Variants in GABRB3 observed in about 807,000 individuals in gnomAD.
GABRB3 encodes the protein gamma-aminobutyric acid type A receptor subunit beta3, also known as gamma-aminobutyric acid receptor subunit beta-3.
Under a neutral mutation model 52.1 loss-of-function variants are expected in GABRB3, and 14 were observed. That is an observed-to-expected ratio of 0.27 (90% CI 0.18 to 0.42). GABRB3 has a LOEUF of 0.42. GABRB3 is among the 10% of genes least tolerant of loss of function. The pLI is 1.00. For synonymous variants in GABRB3, 260 were observed against 232.3 expected, an observed-to-expected ratio of 1.12 and a Z score of -1.08; for missense variants, 307 against 609.1, an observed-to-expected ratio of 0.50 and a Z score of 5.22.
At chr15:26,650,841 T>A (rs1736531793) in intron 3 of GABRB3, among the ~76,000 whole-genome samples, 1 of 152,092 alleles carries the variant, frequency 6.6e-6, no homozygotes, top group Non-Finnish European at 1.5e-5. Context: ...ATGGTTGGAC[T>A]TTGAGGAGAC....
chr15:26,772,153 G>A lies in GABRB3; in HGVS notation c.240+249C>T, dbSNP rs376029442. The A allele has an allele frequency of 5.5e-5, 23 of 418,048 alleles. No individual in the cohort carries two copies. The East Asian group carries it at 6.5e-4, about 12-fold the overall frequency. 25.9% of individuals were successfully genotyped at this position (418,048 alleles called of 1,614,324 possible). A position where few individuals can be genotyped will look rare whatever the true frequency, so the allele number is the denominator to read the frequency against. On this transcript the variant is annotated intron_variant, in intron 3 of 8. Coordinates refer to ENST00000311550, the MANE Select transcript of GABRB3 (RefSeq NM_000814.6). ...GGGCAGCGGCAGATGGGAGCACTAG[G>A]CCGGCCAGGACTCCCCCGCAGGAAG...
At chr15:26,614,199 G>T (rs1892176164) in intron 4 of GABRB3, 1 of 152,152 alleles carries the variant, frequency 6.6e-6, no homozygotes, top group Admixed American at 6.6e-5. Flanking sequence ...GCTCAGGTGG[G>T]CTCTTTGTAA....
At chr15:26,761,394 CA>C (rs144864753) in intron 3 of GABRB3, among the ~76,000 whole-genome samples, 195 of 145,984 alleles carry the variant, frequency 1.3e-3, no homozygotes, top group African/African-American at 3.8e-3. Context: ...GACTCCATCT[CA>C]AAAAAAAAAA....
chr15:26,665,066 T>C (rs1378015843), intron 3 of GABRB3, among the ~76,000 whole-genome samples: 1 of 152,174 alleles, frequency 6.6e-6, no homozygotes, highest in East Asian at 1.9e-4. Context: ...CATTTTAATG[T>C]ATATTTTATA....
At position 26,546,632 on chromosome 15, in the gene GABRB3, G is replaced by A. The variant is rs1889250952; in HGVS notation, c.*1161C>T. ...AGGATGATTCTTAGTTTCTGAAATTGAACAGTAGAAGTGTTTTAGCTTCAA... is the reference window on the plus strand; with the variant it reads ...AGGATGATTCTTAGTTTCTGAAATTAAACAGTAGAAGTGTTTTAGCTTCAA... On this transcript the variant is annotated 3_prime_UTR_variant, in exon 9 of 9. Coordinates refer to ENST00000311550, the MANE Select transcript of GABRB3 (RefSeq NM_000814.6). 6.6e-6 allele frequency: 1 copy of A among 152,490 alleles called. No homozygotes were observed. The highest frequency in any genetic ancestry group is 1.5e-5 in the Non-Finnish European group (1 of 68,012). The allele number at this position is 152,490 out of a possible 1,614,324, so 9.4% of individuals were successfully genotyped here.
At chr15:26,671,891 G>T (rs1887909410) in intron 3 of GABRB3, among the ~76,000 whole-genome samples, 1 of 152,118 alleles carries the variant, frequency 6.6e-6, no homozygotes, top group East Asian at 1.9e-4. Flanking sequence ...CTGTCTCAAA[G>T]AGTTTGAGCT....
chr15:26,701,670 G>A (rs552605516), intron 3 of GABRB3, among the ~76,000 whole-genome samples: 11 of 152,278 alleles, frequency 7.2e-5, no homozygotes, highest in South Asian at 4.1e-4. Context: ...CAAGTTAACT[G>A]TGTATTCAAA....
At chr15:26,703,965 C>G (rs898243735) in intron 3 of GABRB3, among the ~76,000 whole-genome samples, 1 of 152,196 alleles carries the variant, frequency 6.6e-6, no homozygotes, top group African/African-American at 2.4e-5. Flanking sequence ...ATTGATGGCT[C>G]TACATTCTGG....
At chr15:26,628,977 C>T (rs1424025179) in intron 3 of GABRB3, 1 of 1,536,160 alleles carries the variant, frequency 6.5e-7, no homozygotes. Flanking sequence ...CGACTTTTAC[C>T]TCTTCTGTCT....
In GABRB3 at chr15:26,581,559, A is replaced by C. The variant is rs563780932; in HGVS notation, c.545-1103T>G. ...CCTTACAAGAACCTCAAGAACCTAC[A>C]GGCCTGACCCCTGGGCCTTCATCCC... On this transcript the variant is annotated intron_variant, in intron 5 of 8. Coordinates refer to ENST00000311550, the MANE Select transcript of GABRB3 (RefSeq NM_000814.6). Among the ~76,000 whole-genome samples the C allele has an allele frequency of 1.8e-4, 27 of 152,342 alleles. No individual in the cohort carries two copies. The South Asian group carries it at 5.6e-3, about 32-fold the overall frequency.
chr15:26,587,916 C>T (rs970470685), intron 4 of GABRB3, among the ~76,000 whole-genome samples: 3 of 152,106 alleles, frequency 2.0e-5, no homozygotes, highest in African/African-American at 7.2e-5. Context: ...ACTGTTATTC[C>T]TAAGTGGTGA....
At chr15:26,648,781 T>G (rs1887096574) in intron 3 of GABRB3, among the ~76,000 whole-genome samples, 2 of 152,198 alleles carry the variant, frequency 1.3e-5, no homozygotes, top group Admixed American at 1.3e-4. Context: ...ATCACTAGTG[T>G]GGAGACCATG....
intron 3 of GABRB3, chr15:26,624,402 A>G (rs1892606431): frequency 2.0e-6 from 2 of 985,450 alleles, no homozygotes; most frequent in Middle Eastern, 5.2e-4. Flanking sequence ...CTGAGTCGCG[A>G]TGTCTAGCGC....
At chr15:26,640,782 C>G (rs1402989366) in intron 3 of GABRB3, among the ~76,000 whole-genome samples, 1 of 152,218 alleles carries the variant, frequency 6.6e-6, no homozygotes, top group Non-Finnish European at 1.5e-5. Context: ...GATTACACAG[C>G]TTAGAGATAC....
intron 3 of GABRB3, among the ~76,000 whole-genome samples, chr15:26,655,057 T>C (rs1887324668): frequency 6.6e-6 from 1 of 152,128 alleles, no homozygotes; most frequent in South Asian, 2.1e-4. Flanking sequence ...TTGTAGAATG[T>C]TTATAAAAAG....
In GABRB3 at chr15:26,547,740, G is replaced by T; in HGVS notation, c.*53C>A. ...CAGGTATAAAAACTTGACAGGCAGA[G>T]TAATATTTCACTCAGTGTTAAATGA... On this transcript the variant is annotated 3_prime_UTR_variant, in exon 9 of 9. Transcript: ENST00000311550. 6.9e-7 allele frequency: 1 copy of T among 1,447,312 alleles called. No homozygotes were observed. The highest frequency in any genetic ancestry group is 9.7e-7 in the Non-Finnish European group (1 of 1,030,324). 89.7% of individuals were successfully genotyped at this position (1,447,312 alleles called of 1,614,324 possible).
chr15:26,568,126 G>A (rs1420949370), intron 6 of GABRB3, among the ~76,000 whole-genome samples: 1 of 152,212 alleles, frequency 6.6e-6, no homozygotes, highest in East Asian at 1.9e-4. Context: ...GCTTTTACCA[G>A]TTGTCCTTTC....
intron 4 of GABRB3, among the ~76,000 whole-genome samples, chr15:26,609,083 TACACACACACACACACACATACACACAC>T (rs1052084263): frequency 1.4e-5 from 2 of 143,544 alleles, no homozygotes; most frequent in Admixed American, 7.0e-5. Flanking sequence ...TTTTTAATGA[TACACACACACACACACACATACACACAC>T]ACACACACAC....
chr15:26,702,132 T>C (rs909351431), intron 3 of GABRB3, among the ~76,000 whole-genome samples: 1 of 152,138 alleles, frequency 6.6e-6, no homozygotes, highest in African/African-American at 2.4e-5. Flanking sequence ...CCTAAAACTA[T>C]AAACTTCTGG....
Sources: gnomAD v4.1 joint callset for allele counts (sites outside exome capture counted in the v4.1 genomes callset) on GRCh38, gnomAD v4.1.1 for gene constraint, MANE v1.5 for transcripts, NCBI Gene and HGNC (gene_info 2026-07-23, HGNC 2026-07-21) for gene names.